The following CLYBL variants were observed in gnomAD, a reference collection of about 807,000 sequenced individuals.
CLYBL encodes citramalyl-CoA lyase, mitochondrial.
A neutral mutation model predicts 38.9 loss-of-function variants in CLYBL; 31 were observed. The observed-to-expected ratio is 0.80, with a 90% CI of 0.60 to 1.08. CLYBL has a LOEUF of 1.08. Among genes scored for constraint, CLYBL ranks in the 50% least tolerant of loss-of-function variants. CLYBL has a pLI of 0.00. For synonymous variants in CLYBL, 171 were observed against 158.6 expected, an observed-to-expected ratio of 1.08 and a Z score of -0.59; for missense variants, 434 against 411.6, an observed-to-expected ratio of 1.05 and a Z score of -0.47.
chr13:99,737,028 A>G (rs2048679464), intron 1 of CLYBL, among the ~76,000 whole-genome samples: 2 of 152,234 alleles, frequency 1.3e-5, no homozygotes, highest in Non-Finnish European at 2.9e-5. Flanking sequence ...GACAATATAC[A>G]TAGATAATCA....
chr13:99,657,301 T>C (rs150343017), intron 1 of CLYBL, among the ~76,000 whole-genome samples: 410 of 152,362 alleles, frequency 2.7e-3, no homozygotes, highest in African/African-American at 9.3e-3. Context: ...AAGGGAGGGC[T>C]AAACCTTTTG....
intron 7 of CLYBL, among the ~76,000 whole-genome samples, chr13:99,886,651 C>T (rs903720646): frequency 2.0e-5 from 3 of 152,238 alleles, no homozygotes; most frequent in African/African-American, 2.4e-5. Flanking sequence ...TCCACGGCAA[C>T]GCGTGGAGAT....
chr13:99,801,909 G>A (rs996487541), intron 2 of CLYBL, among the ~76,000 whole-genome samples: 6 of 152,092 alleles, frequency 3.9e-5, no homozygotes, highest in Admixed American at 6.5e-5. Context: ...CCAGCTACTC[G>A]GGAGACCGAG....
Position 99,865,009 on chromosome 13 carries a change from C to A in CLYBL, c.634+98C>A. 1.2e-6 allele frequency: 1 copy of A among 860,454 alleles called. No individual in the cohort carries two copies. The highest frequency in any genetic ancestry group is 2.0e-6 in the Non-Finnish European group (1 of 503,564). 53.3% of individuals were successfully genotyped at this position (860,454 alleles called of 1,614,324 possible). A position where few individuals can be genotyped will look rare whatever the true frequency, so the allele number is the denominator to read the frequency against. On this transcript the variant is annotated intron_variant, in intron 5 of 8. Transcript: ENST00000339105. This position sits in a 1 kb window ranked among gnomAD's most constrained non-coding sequence, Gnocchi z 4.7. Reference sequence around the variant, plus strand: ...CCCTCAAGGATGGACATTTACATAACAATGTATATTTGCCAACCATGACAA... The same window carrying A: ...CCCTCAAGGATGGACATTTACATAAAAATGTATATTTGCCAACCATGACAA...
At chr13:99,829,663 C>T (rs1047464283) in intron 2 of CLYBL, among the ~76,000 whole-genome samples, 5 of 152,170 alleles carry the variant, frequency 3.3e-5, no homozygotes, top group African/African-American at 1.2e-4. Context: ...ACATTGGACA[C>T]TTCTAGGAAC....
At chr13:99,766,739 T>A (rs1257328266) in intron 1 of CLYBL, among the ~76,000 whole-genome samples, 1 of 152,144 alleles carries the variant, frequency 6.6e-6, no homozygotes, top group Non-Finnish European at 1.5e-5. Flanking sequence ...TAAACCCAGG[T>A]TCACCTCAGC....
chr13:99,676,495 G>A (rs370646157), intron 1 of CLYBL, among the ~76,000 whole-genome samples: 46 of 151,362 alleles, frequency 3.0e-4, no homozygotes, highest in African/African-American at 9.5e-4. Context: ...ACAGGATTTC[G>A]CCATGTTGGC....
rs192606013 is a variant in CLYBL at position 99,728,685 on chromosome 13, C to T, written c.63-44139C>T. On this transcript the variant is annotated intron_variant, in intron 1 of 8. Coordinates refer to ENST00000339105, the MANE Select transcript of CLYBL (RefSeq NM_206808.5). The stretch of plus-strand genomic sequence containing the variant: ...CAACCTCCAGGGCTCAAGCAGTCCT[C>T]GCACGTAGCTGGGACCACAGTTGTG... Among the ~76,000 whole-genome samples the T allele has an allele frequency of 9.2e-5, 14 of 152,188 alleles. 1 individual carries two copies. Among genetic ancestry groups the T allele is most frequent in the Admixed American group, 5.9e-4 (9 of 15,288 alleles).
At chr13:99,666,528 T>C (rs988578191) in intron 1 of CLYBL, among the ~76,000 whole-genome samples, 1 of 152,108 alleles carries the variant, frequency 6.6e-6, no homozygotes, top group African/African-American at 2.4e-5. Flanking sequence ...CTTTCTTAAA[T>C]TGTTATTTCG....
intron 2 of CLYBL, among the ~76,000 whole-genome samples, chr13:99,806,331 A>G (rs1242595577): frequency 1.3e-5 from 2 of 152,190 alleles, no homozygotes; most frequent in East Asian, 1.9e-4. Flanking sequence ...ATTACTTAGT[A>G]TATATATAAG....
intron 2 of CLYBL, among the ~76,000 whole-genome samples, chr13:99,809,924 A>T (rs943022792): frequency 2.6e-5 from 4 of 152,208 alleles, no homozygotes; most frequent in South Asian, 2.1e-4. Context: ...GGGAATGGGG[A>T]CATCAGCTCA....
chr13:99,697,974 G>A (rs1034449467), intron 1 of CLYBL, among the ~76,000 whole-genome samples: 19 of 152,070 alleles, frequency 1.2e-4, no homozygotes, highest in African/African-American at 4.6e-4. Flanking sequence ...AAGCACCAGG[G>A]CAGCAGGGCA....
At chr13:99,877,007 G>A (rs1751271515) in intron 7 of CLYBL, among the ~76,000 whole-genome samples, 1 of 152,184 alleles carries the variant, frequency 6.6e-6, no homozygotes, top group Non-Finnish European at 1.5e-5. Context: ...TCATCCCCCA[G>A]CCCTGCCCCA....
intron 1 of CLYBL, among the ~76,000 whole-genome samples, chr13:99,667,565 C>T (rs1442865084): frequency 6.6e-6 from 1 of 151,474 alleles, no homozygotes; most frequent in East Asian, 1.9e-4. Flanking sequence ...TGTCAACTGG[C>T]CTCAATTTCC....
At chr13:99,647,353 G>C (rs1421107323) in intron 1 of CLYBL, among the ~76,000 whole-genome samples, 1 of 152,124 alleles carries the variant, frequency 6.6e-6, no homozygotes, top group Non-Finnish European at 1.5e-5. Context: ...TCTTAGGGAA[G>C]GCTCCCGCCC....
In CLYBL at chr13:99,624,659, G is replaced by A. The variant is rs985725379; in HGVS notation, c.62+17902G>A. Reference sequence around the variant, plus strand: ...AGAGGGGAAACCTCAATGTCTGAATGTGGCTTTACCCCAGCGCTGAGATAT... The same window carrying A: ...AGAGGGGAAACCTCAATGTCTGAATATGGCTTTACCCCAGCGCTGAGATAT... On this transcript the variant is annotated intron_variant, in intron 1 of 8. Transcript: ENST00000339105. 2.0e-5 allele frequency among the ~76,000 whole-genome samples: 3 copies of A among 152,312 alleles called. No individual in the cohort carries two copies. In the East Asian group the frequency reaches 5.8e-4, roughly 29 times the overall value.
At chr13:99,616,398 C>T (rs1482794915) in intron 1 of CLYBL, among the ~76,000 whole-genome samples, 1 of 152,160 alleles carries the variant, frequency 6.6e-6, no homozygotes, top group Admixed American at 6.6e-5. Flanking sequence ...CCACATGACT[C>T]TAGCACATAT....
At chr13:99,759,738 T>C (rs2049130932) in intron 1 of CLYBL, among the ~76,000 whole-genome samples, 1 of 152,194 alleles carries the variant, frequency 6.6e-6, no homozygotes. Context: ...CGGGATGAGC[T>C]TTCATCTGTG....
chr13:99,626,517 C>G (rs2046871705), intron 1 of CLYBL, among the ~76,000 whole-genome samples: 1 of 152,190 alleles, frequency 6.6e-6, no homozygotes, highest in African/African-American at 2.4e-5. Flanking sequence ...GAACCCCTTG[C>G]CTTTCTCTTT....
Sources: gnomAD v4.1 joint callset for allele counts (sites outside exome capture counted in the v4.1 genomes callset) on GRCh38, gnomAD v4.1.1 for gene constraint, Gnocchi (gnomAD v3.1) non-coding constraint, MANE v1.5 for transcripts, NCBI Gene and HGNC (gene_info 2026-07-23, HGNC 2026-07-21) for gene names.